Variants in DDX31 observed in about 807,000 individuals in gnomAD.
DDX31 encodes DEAD-box helicase 31.
DDX31 carries 70 observed loss-of-function variants against 91.3 expected under a neutral mutation model. The ratio of observed to expected loss-of-function variants is 0.77; its 90% CI spans 0.63 to 0.94. DDX31 has a LOEUF of 0.94. Among genes scored for constraint, DDX31 ranks in the 40% least tolerant of loss-of-function variants. The pLI, the probability that DDX31 is intolerant of heterozygous loss-of-function variation, is 0.00. For synonymous variants in DDX31, 362 were observed against 350.6 expected (o/e 1.03, Z -0.36); for missense variants, 902 against 925.0 (o/e 0.98, Z 0.32).
rs531479669 is a variant in DDX31 at position 132,627,399 on chromosome 9, GA to G, written c.1632-1655del. The stretch of plus-strand genomic sequence containing the variant: ...AAAAGGGCCTTCTTCCTCTTCCTAA[GA>G]AACTGCTGCTTCTGAGGAACAAAGC... On this transcript the variant is annotated intron_variant, in intron 16 of 19. Transcript: ENST00000372159. 5.3e-4 allele frequency among the ~76,000 whole-genome samples: 81 copies of G among 152,258 alleles called. 1 individual carries two copies. In the South Asian group the frequency reaches 0.016, roughly 30 times the overall value.
chr9:132,658,118 AT>A, intron 6 of DDX31: 1 of 562,560 alleles, frequency 1.8e-6, no homozygotes, highest in Non-Finnish European at 3.2e-6. Flanking sequence ...TTGAGTGACC[AT>A]TCTGTAAAAG....
At chr9:132,642,368 T>C (rs943494176) in intron 13 of DDX31, among the ~76,000 whole-genome samples, 1 of 152,242 alleles carries the variant, frequency 6.6e-6, no homozygotes, top group Non-Finnish European at 1.5e-5. Flanking sequence ...CACAAGTTAC[T>C]GCATGCAGGG....
chr9:132,639,515 GC>G (rs1833352552), intron 14 of DDX31, among the ~76,000 whole-genome samples: 1 of 152,242 alleles, frequency 6.6e-6, no homozygotes, highest in African/African-American at 2.4e-5. Context: ...GAGGTACTGT[GC>G]TTTGCCAAGA....
rs1336977071 is a variant in DDX31, at chr9:132,646,177, T to C, written c.1204-106A>G. 16 of 1,147,560 alleles carry C rather than the reference T, an allele frequency of 1.4e-5. No individual in the cohort carries two copies. In the East Asian group the frequency reaches 3.5e-4, roughly 25 times the overall value. The allele number at this position is 1,147,560 out of a possible 1,614,324, so 71.1% of individuals were successfully genotyped here. A position where few individuals can be genotyped will look rare whatever the true frequency, so the allele number is the denominator to read the frequency against. On this transcript the variant is annotated intron_variant, in intron 12 of 19. Coordinates refer to ENST00000372159, the MANE Select transcript of DDX31 (RefSeq NM_022779.9). ...AGTCATGCTGACCCCCATTTGGAAA[T>C]AAAGGTGACTATCTTTGAATTATTT...
intron 9 of DDX31, 103 bp from the exon 10 acceptor site, chr9:132,648,654 T>C: frequency 1.5e-6 from 2 of 1,357,276 alleles, no homozygotes; most frequent in Non-Finnish European, 2.0e-6. Context: ...TCATGTACAG[T>C]GCAAACGTGC....
intron 19 of DDX31, among the ~76,000 whole-genome samples, chr9:132,606,286 G>A (rs1312586762): frequency 6.6e-6 from 1 of 152,202 alleles, no homozygotes; most frequent in Non-Finnish European, 1.5e-5. Context: ...TGATATTAGG[G>A]AGGTTGTAAA....
In DDX31 at chr9:132,647,017, T is replaced by C; in HGVS notation, c.1009A>G (p.Ser337Gly). Residue 337 changes from serine (S) to glycine (G), a missense_variant, in exon 12 of 20, where the codon AGT (serine) becomes GGT (glycine). Physicochemically the swap from Ser to Gly is moderately conservative, Grantham distance 56. Transcript: ENST00000372159. ...LADISLHDPV[S>G]ISVLDKSHDQ... ...TGGCTCTTGTCCAGGACAGAAATAC[T>C]GACTGGATCATGCAAACTGATATCA... 2 of 1,614,232 alleles carry C rather than the reference T, an allele frequency of 1.2e-6. No individual in the cohort carries two copies. Among genetic ancestry groups the C allele is most frequent in the Non-Finnish European group, 1.7e-6 (2 of 1,180,044 alleles).
At chr9:132,663,196 G>A in intron 1 of DDX31, 1 of 1,289,366 alleles carries the variant, frequency 7.8e-7, no homozygotes, top group Non-Finnish European at 1.0e-6. Context: ...CTCAGCCCGT[G>A]CCCAGGAAGC....
At chr9:132,653,115 CAA>C (rs1002951209) in intron 6 of DDX31, among the ~76,000 whole-genome samples, 4 of 138,542 alleles carry the variant, frequency 2.9e-5, no homozygotes, top group African/African-American at 1.1e-4. Context: ...TTTTATCTTA[CAA>C]AAAAAAAAAC....
In DDX31 at chr9:132,646,805, T is replaced by C; in HGVS notation, c.1203+18A>G. 3 of 1,612,616 alleles carry C rather than the reference T, an allele frequency of 1.9e-6. No individual in the cohort carries two copies. The highest frequency in any genetic ancestry group is 2.5e-6 in the Non-Finnish European group (3 of 1,179,124). On this transcript the variant is annotated intron_variant, in intron 12 of 19. Coordinates refer to ENST00000372159, the MANE Select transcript of DDX31 (RefSeq NM_022779.9). Reference sequence around the variant, plus strand: ...CCTTTCTTCCCTGAATCAAGTCGGCTCTAGCCCACAGTCCCACCTTGCATT... The same window carrying C: ...CCTTTCTTCCCTGAATCAAGTCGGCCCTAGCCCACAGTCCCACCTTGCATT...
intron 19 of DDX31, among the ~76,000 whole-genome samples, chr9:132,596,636 T>C (rs967248501): frequency 6.6e-6 from 1 of 152,080 alleles, no homozygotes; most frequent in East Asian, 1.9e-4. Context: ...ACACAAAGAC[T>C]CAAGGAGGGT....
At chr9:132,657,641 C>T (rs1389446496) in intron 6 of DDX31, among the ~76,000 whole-genome samples, 1 of 152,172 alleles carries the variant, frequency 6.6e-6, no homozygotes. Flanking sequence ...TCTGCATATC[C>T]AAACTGAGAA....
At chr9:132,668,469 T>A (rs1415576150) in intron 1 of DDX31, among the ~76,000 whole-genome samples, 1 of 152,052 alleles carries the variant, frequency 6.6e-6, no homozygotes, top group East Asian at 1.9e-4. Flanking sequence ...CTCAAAAATA[T>A]CTGAAGAGAC....
rs1007657947 is a variant in DDX31, at chr9:132,602,837, C to T, written c.1995-7725G>A. Among the ~76,000 whole-genome samples, 3 of 152,228 alleles carry T rather than the reference C, an allele frequency of 2.0e-5. No homozygotes were observed. The East Asian group carries it at 5.8e-4, about 29-fold the overall frequency. On this transcript the variant is annotated intron_variant, in intron 19 of 19. Transcript: ENST00000372159. The stretch of plus-strand genomic sequence containing the variant: ...AATTCTTCCACACACACTACCAAAA[C>T]ATCTCCTACTTTAAGGCCATTTCTT...
chr9:132,607,377 CCAA>C (rs1391945073), intron 19 of DDX31, among the ~76,000 whole-genome samples: 12 of 152,330 alleles, frequency 7.9e-5, no homozygotes, highest in African/African-American at 2.9e-4. Flanking sequence ...ACTTTTCTTT[CCAA>C]CAATTCAGAT....
At chr9:132,619,428 C>A (rs1007301249) in intron 17 of DDX31, among the ~76,000 whole-genome samples, 1 of 152,124 alleles carries the variant, frequency 6.6e-6, no homozygotes, top group Non-Finnish European at 1.5e-5. Flanking sequence ...CCGGGTCGTG[C>A]TGCTTAACCT....
At chr9:132,638,994 T>A (rs949217296) in intron 14 of DDX31, among the ~76,000 whole-genome samples, 2 of 152,176 alleles carry the variant, frequency 1.3e-5, no homozygotes, top group African/African-American at 4.8e-5. Context: ...TTCTTCTTTA[T>A]CAAAAGAAGC....
At chr9:132,658,464 C>T (rs763728352) in intron 6 of DDX31, 249 of 680,228 alleles carry the variant, frequency 3.7e-4, no homozygotes, top group Non-Finnish European at 6.2e-4. Context: ...CCCTGTTACA[C>T]TTACTATGAC....
rs76566942 is a variant in DDX31 at position 132,661,982 on chromosome 9, G to A, written c.408+279C>T. Among the ~76,000 whole-genome samples, 38 of 152,090 alleles carry A rather than the reference G, an allele frequency of 2.5e-4. No individual in the cohort carries two copies. The East Asian group carries it at 7.4e-3, about 29-fold the overall frequency. ...AAGTGATGTCCTGACCCTAAATCAC[G>A]TTAGTCGAGGAAAGTCTTCAATACT... On this transcript the variant is annotated intron_variant, in intron 3 of 19. Coordinates refer to ENST00000372159, the MANE Select transcript of DDX31 (RefSeq NM_022779.9).
Sources: allele counts gnomAD v4.1 joint callset (sites outside exome capture counted in the v4.1 genomes callset), GRCh38; gene constraint gnomAD v4.1.1; transcripts MANE v1.5; gene names NCBI Gene and HGNC (gene_info 2026-07-23, HGNC 2026-07-21).